PLXNC1: variants seen among roughly 807,000 people sequenced by gnomAD.
The protein encoded by PLXNC1 is plexin C1.
PLXNC1 carries 75 observed loss-of-function variants against 178.2 expected under a neutral mutation model. The ratio of observed to expected loss-of-function variants is 0.42; its 90% CI spans 0.35 to 0.51. PLXNC1 has a LOEUF of 0.51. Among genes scored for constraint, PLXNC1 ranks in the 20% least tolerant of loss-of-function variants. The pLI, the probability that PLXNC1 is intolerant of heterozygous loss-of-function variation, is 0.02. For synonymous variants in PLXNC1, 790 were observed against 779.9 expected, an observed-to-expected ratio of 1.01 and a Z score of -0.22; for missense variants, 1,503 against 1,984.4, an observed-to-expected ratio of 0.76 and a Z score of 4.61.
intron 1 of PLXNC1, among the ~76,000 whole-genome samples, chr12:94,151,648 C>G (rs971215219): frequency 2.0e-5 from 3 of 152,190 alleles, no homozygotes; most frequent in African/African-American, 7.2e-5. Flanking sequence ...TTTAGACACA[C>G]TTAGTCTCTG....
intron 9 of PLXNC1, among the ~76,000 whole-genome samples, chr12:94,229,103 A>G (rs1964023095): frequency 6.6e-6 from 1 of 152,156 alleles, no homozygotes; most frequent in Admixed American, 6.5e-5. Context: ...CCATCCTAAT[A>G]TGGGTCAGGT....
intron 21 of PLXNC1, among the ~76,000 whole-genome samples, chr12:94,276,738 G>A (rs832513): frequency 0.64 from 97,427 of 151,976 alleles, 31,342 homozygotes; most frequent in African/African-American, 0.7. Flanking sequence ...TTCCTTCTAG[G>A]CACTCTGCCC....
At chr12:94,300,334 T>A (rs538846080) in intron 27 of PLXNC1, among the ~76,000 whole-genome samples, 37 of 152,194 alleles carry the variant, frequency 2.4e-4, no homozygotes, top group African/African-American at 8.2e-4. Context: ...GGAGAGGGCA[T>A]AAACCATGAG....
chr12:94,199,309 A>G (rs1592757017), intron 4 of PLXNC1, among the ~76,000 whole-genome samples: 2 of 152,094 alleles, frequency 1.3e-5, no homozygotes, highest in African/African-American at 4.8e-5. Flanking sequence ...CTGTGCGGTG[A>G]CACTTCTTTA....
chr12:94,187,768 G>T, intron 4 of PLXNC1, among the ~76,000 whole-genome samples: 1 of 152,166 alleles, frequency 6.6e-6, no homozygotes, highest in East Asian at 1.9e-4. Flanking sequence ...TGGAGCTAGC[G>T]GCTAACGTAT....
intron 6 of PLXNC1, among the ~76,000 whole-genome samples, chr12:94,223,151 C>G (rs568642438): frequency 6.6e-6 from 1 of 152,178 alleles, no homozygotes; most frequent in Non-Finnish European, 1.5e-5. Flanking sequence ...TGGTGGCACA[C>G]GCCTGTAATC....
At chr12:94,153,010 A>G (rs1042943266) in intron 1 of PLXNC1, among the ~76,000 whole-genome samples, 1 of 152,240 alleles carries the variant, frequency 6.6e-6, no homozygotes, top group Admixed American at 6.5e-5. Context: ...TGCTAAGGCA[A>G]CCGATTTCTG....
At chr12:94,150,059 G>T in intron 1 of PLXNC1, 26 bp downstream of exon 1, 1 of 1,525,064 alleles carries the variant, frequency 6.6e-7, no homozygotes, top group Non-Finnish European at 8.8e-7. Flanking sequence ...GGGGCGCCGC[G>T]GAGAGCGCTG....
At chr12:94,303,522 T>C (rs1283161903) in intron 28 of PLXNC1, among the ~76,000 whole-genome samples, 1 of 152,138 alleles carries the variant, frequency 6.6e-6, no homozygotes, top group Non-Finnish European at 1.5e-5. Context: ...GCAGAATATA[T>C]TAGCATTTAA....
At chr12:94,156,588 C>G (rs1468702303) in intron 1 of PLXNC1, among the ~76,000 whole-genome samples, 1 of 151,976 alleles carries the variant, frequency 6.6e-6, no homozygotes, top group Non-Finnish European at 1.5e-5. Context: ...AGCGATTCTC[C>G]TGCCTCAGCC....
At chr12:94,185,875 C>T (rs1962490325) in intron 3 of PLXNC1, 2 of 157,518 alleles carry the variant, frequency 1.3e-5, no homozygotes, top group Admixed American at 1.2e-4. Context: ...ACCAGGCAAC[C>T]TGATTCCATG....
intron 21 of PLXNC1, among the ~76,000 whole-genome samples, chr12:94,275,233 A>G (rs1412555452): frequency 6.6e-6 from 1 of 152,208 alleles, no homozygotes; most frequent in Non-Finnish European, 1.5e-5. Context: ...TTTGTCTCTG[A>G]AATTTATCAT....
intron 1 of PLXNC1, among the ~76,000 whole-genome samples, chr12:94,167,561 T>A (rs1316473576): frequency 1.3e-5 from 2 of 152,224 alleles, no homozygotes; most frequent in South Asian, 2.1e-4. Context: ...ATGGTTTTAC[T>A]TATTTTTTTA....
chr12:94,295,650 A>T lies in PLXNC1; in HGVS notation c.3934+1110A>T, dbSNP rs529515504. Among the ~76,000 whole-genome samples, 110 of 152,236 alleles carry T rather than the reference A, an allele frequency of 7.2e-4. 1 individual carries two copies. Among genetic ancestry groups the T allele is most frequent in the Admixed American group, 2.0e-3 (30 of 15,286 alleles). ...TCATCAGCCCCTCTGTCAAAATCCCAACGCTGGATGAACCCAACGATTATC... is the reference window on the plus strand; with the variant it reads ...TCATCAGCCCCTCTGTCAAAATCCCTACGCTGGATGAACCCAACGATTATC... On this transcript the variant is annotated intron_variant, in intron 24 of 30. Coordinates refer to ENST00000258526, the MANE Select transcript of PLXNC1 (RefSeq NM_005761.3).
At chr12:94,211,872 A>G (rs1487196109) in intron 5 of PLXNC1, among the ~76,000 whole-genome samples, 2 of 152,272 alleles carry the variant, frequency 1.3e-5, no homozygotes, top group Non-Finnish European at 2.9e-5. Flanking sequence ...CTATATGATT[A>G]TTTGAGCATG....
chr12:94,258,464 GA>G (rs1964915274), intron 17 of PLXNC1, among the ~76,000 whole-genome samples: 1 of 152,070 alleles, frequency 6.6e-6, no homozygotes, highest in Non-Finnish European at 1.5e-5. Flanking sequence ...TATCAAAAAA[GA>G]AGAAAAACTT....
chr12:94,204,044 A>T lies in PLXNC1; in HGVS notation c.1440-5546A>T, dbSNP rs1312687450. 3.3e-5 allele frequency among the ~76,000 whole-genome samples: 5 copies of T among 152,236 alleles called. No homozygotes were observed. In the East Asian group the frequency reaches 9.6e-4, roughly 29 times the overall value. On this transcript the variant is annotated intron_variant, in intron 4 of 30. Transcript: ENST00000258526. ...GATTCAGCAATAAGGCCCTCGCCAG[A>T]TGCAGGCCCCTCGACCTTGGACTCT... is the stretch of plus-strand genomic sequence containing the variant.
intron 11 of PLXNC1, among the ~76,000 whole-genome samples, 169 bp downstream of exon 11, chr12:94,240,833 C>T (rs1295609649): frequency 6.6e-6 from 1 of 152,222 alleles, no homozygotes; most frequent in African/African-American, 2.4e-5. Flanking sequence ...AAGACATTTG[C>T]TTCCCATGCT....
chr12:94,259,770 A>G, intron 19 of PLXNC1, 36 bp downstream of exon 19: 1 of 1,557,118 alleles, frequency 6.4e-7, no homozygotes, highest in South Asian at 1.2e-5. Flanking sequence ...AAAAGCCTTT[A>G]AGAAAAAATC....
Sources: allele counts gnomAD v4.1 joint callset (sites outside exome capture counted in the v4.1 genomes callset), GRCh38; gene constraint gnomAD v4.1.1; transcripts MANE v1.5; gene names NCBI Gene and HGNC (gene_info 2026-07-23, HGNC 2026-07-21).